Variants in PSMG2 observed in about 807,000 individuals in gnomAD.
PSMG2 encodes proteasome assembly chaperone 2.
PSMG2 carries 21 observed loss-of-function variants against 31.5 expected under a neutral mutation model. The observed-to-expected ratio is 0.67, with a 90% CI of 0.47 to 0.96. PSMG2 has a LOEUF of 0.96. Ranked by LOEUF, PSMG2 falls within the 40% of genes least tolerant of loss-of-function variation. The pLI, the probability that PSMG2 is intolerant of heterozygous loss-of-function variation, is 0.00. For synonymous variants in PSMG2, 120 were observed against 110.4 expected (o/e 1.09, Z -0.54); for missense variants, 318 against 321.2 (o/e 0.99, Z 0.08).
intron 1 of PSMG2, among the ~76,000 whole-genome samples, chr18:12,696,893 T>C (rs1428559018): frequency 2.6e-5 from 4 of 152,090 alleles, no homozygotes; most frequent in Admixed American, 6.6e-5. Flanking sequence ...ACACATAAGT[T>C]TGTATGTGTG....
upstream of PSMG2, chr18:12,698,987 TC>T: frequency 6.2e-7 from 1 of 1,605,902 alleles, no homozygotes; most frequent in Admixed American, 1.7e-5. Context: ...ACCCAAGCTT[TC>T]TCTGTGTACT....
chr18:12,683,690 G>C (rs2039433029), intron 1 of PSMG2, among the ~76,000 whole-genome samples: 1 of 151,738 alleles, frequency 6.6e-6, no homozygotes, highest in Non-Finnish European at 1.5e-5. Flanking sequence ...GACGGAGGTT[G>C]CAGTGGGCCG....
chr18:12,669,755 C>T (rs906686811), intron 1 of PSMG2, among the ~76,000 whole-genome samples: 4 of 152,174 alleles, frequency 2.6e-5, no homozygotes, highest in Non-Finnish European at 5.9e-5. Flanking sequence ...AATCCCAGCA[C>T]TTTGGGAGGC....
intron 1 of PSMG2, chr18:12,685,056 A>T (rs2039492963): frequency 6.6e-6 from 1 of 150,622 alleles, no homozygotes; most frequent in African/African-American, 2.5e-5. Context: ...GCTGGAGTGC[A>T]ATGGCGCGAT....
chr18:12,696,234 G>A (rs747830916), intron 1 of PSMG2, among the ~76,000 whole-genome samples: 21 of 152,166 alleles, frequency 1.4e-4, no homozygotes, highest in Non-Finnish European at 1.9e-4. Context: ...GGCTGGGCGC[G>A]GTGACTCACG....
At chr18:12,691,755 G>A (rs535319356) in intron 1 of PSMG2, among the ~76,000 whole-genome samples, 4 of 145,650 alleles carry the variant, frequency 2.7e-5, no homozygotes, top group South Asian at 2.2e-4. Flanking sequence ...TTGCTCTGTC[G>A]CCCAGGCTGG....
At chr18:12,669,132 TGA>T (rs1434326767) in intron 1 of PSMG2, among the ~76,000 whole-genome samples, 1 of 141,260 alleles carries the variant, frequency 7.1e-6, no homozygotes, top group Non-Finnish European at 1.6e-5. Context: ...TCTTTTTTTT[TGA>T]GACAGAGTTT....
chr18:12,691,996 G>A (rs1370333102), intron 1 of PSMG2, among the ~76,000 whole-genome samples: 15 of 151,948 alleles, frequency 9.9e-5, no homozygotes, highest in Admixed American at 5.9e-4. Context: ...TGGGATTACC[G>A]CGCCTGGCCC....
rs919628630 is a variant in PSMG2, at chr18:12,667,334, G to A, written c.-37+8561G>A. ...TAGCTGAGTGTGGTGGTACATGCCT[G>A]TAGTCCCAGCTACTCTGGAGGCTGA... is the stretch of plus-strand genomic sequence containing the variant. On this transcript the variant is annotated intron_variant, in intron 1 of 6. Transcript: ENST00000585331. Among the ~76,000 whole-genome samples the A allele has an allele frequency of 5.9e-5, 9 of 152,264 alleles. No homozygotes were observed. In the South Asian group the frequency reaches 8.3e-4, roughly 14 times the overall value.
chr18:12,707,026 G>A (rs370525628), intron 2 of PSMG2, among the ~76,000 whole-genome samples: 4 of 151,972 alleles, frequency 2.6e-5, no homozygotes, highest in African/African-American at 9.7e-5. Context: ...CGCGATCTCC[G>A]CTCACTGCAA....
rs149884554 is a variant in PSMG2, at chr18:12,674,525, T to G, written c.-37+15752T>G. The G allele has an allele frequency of 1.0e-5, 16 of 1,601,006 alleles. No individual in the cohort carries two copies. In the African/African-American group the frequency reaches 2.0e-4, roughly 20 times the overall value. On this transcript the variant is annotated intron_variant, in intron 1 of 6. Transcript: ENST00000585331. ...TAAACTGAAAAAATGATTCCGTAAA[T>G]TACACCTTACCGAAGACATGTGGCA...
At chr18:12,670,425 A>G (rs2038914471) in intron 1 of PSMG2, 2 of 152,200 alleles carry the variant, frequency 1.3e-5, no homozygotes, top group South Asian at 4.1e-4. Context: ...GCCAGACTCT[A>G]TTGGTGCATA....
chr18:12,673,951 G>GCTATT (rs377290781), intron 1 of PSMG2, among the ~76,000 whole-genome samples: 34 of 152,240 alleles, frequency 2.2e-4, no homozygotes, highest in African/African-American at 8.2e-4. Context: ...TTTTGGTCAA[G>GCTATT]CTATTCAAAT....
At chr18:12,697,688 TTAAC>T (rs2040004407) in intron 1 of PSMG2, among the ~76,000 whole-genome samples, 1 of 152,152 alleles carries the variant, frequency 6.6e-6, no homozygotes, top group African/African-American at 2.4e-5. Context: ...TTAAAAGTAC[TTAAC>T]TAAAGTATAT....
At chr18:12,671,475 A>G (rs2038940675) in intron 1 of PSMG2, among the ~76,000 whole-genome samples, 1 of 152,064 alleles carries the variant, frequency 6.6e-6, no homozygotes, top group Non-Finnish European at 1.5e-5. Context: ...GAAAAGAACT[A>G]TGCACAGAAG....
intron 5 of PSMG2, among the ~76,000 whole-genome samples, chr18:12,721,678 T>G (rs2040432002): frequency 6.6e-6 from 1 of 152,142 alleles, no homozygotes; most frequent in African/African-American, 2.4e-5. Flanking sequence ...AGAACCAGTT[T>G]TGATTTTGCT....
At chr18:12,690,329 G>A (rs1454493847) in intron 1 of PSMG2, among the ~76,000 whole-genome samples, 2 of 152,108 alleles carry the variant, frequency 1.3e-5, no homozygotes, top group Admixed American at 1.3e-4. Flanking sequence ...CAGGATTTGA[G>A]AAACTTAACT....
At chr18:12,721,009 T>C (rs1252082893) in intron 5 of PSMG2, among the ~76,000 whole-genome samples, 1 of 152,040 alleles carries the variant, frequency 6.6e-6, no homozygotes, top group Non-Finnish European at 1.5e-5. Flanking sequence ...TAAAAACCTG[T>C]ATCTACTAAA....
intron 1 of PSMG2, among the ~76,000 whole-genome samples, chr18:12,669,418 T>C (rs904658766): frequency 1.3e-5 from 2 of 151,928 alleles, no homozygotes; most frequent in Non-Finnish European, 2.9e-5. Flanking sequence ...GGCCCCAATT[T>C]TTTTTATTTT....
Sources: allele counts gnomAD v4.1 joint callset (sites outside exome capture counted in the v4.1 genomes callset), GRCh38; gene constraint gnomAD v4.1.1; transcripts MANE v1.5; gene names NCBI Gene and HGNC (gene_info 2026-07-23, HGNC 2026-07-21).